Variants in SEC24B observed in about 807,000 individuals in gnomAD.
SEC24B encodes the protein protein transport protein Sec24B.
SEC24B carries 45 observed loss-of-function variants against 142.8 expected under a neutral mutation model. The observed-to-expected ratio is 0.32, with a 90% CI of 0.25 to 0.40. SEC24B has a LOEUF of 0.40. Among genes scored for constraint, SEC24B ranks in the 10% least tolerant of loss-of-function variants. The pLI is 1.00. For missense variants in SEC24B, 1,409 were observed against 1,526.8 expected (o/e 0.92, Z 1.29); for synonymous variants, 574 against 568.2 (o/e 1.01, Z -0.15).
chr4:109,444,472 A>AT (rs796951465), intron 1 of SEC24B, among the ~76,000 whole-genome samples: 55,616 of 128,108 alleles, frequency 0.43, 13,692 homozygotes, highest in South Asian at 0.54. Context: ...AGATCCTGTG[A>AT]TTTTTTTTTT....
chr4:109,512,469 C>T (rs911100876), intron 9 of SEC24B, among the ~76,000 whole-genome samples: 1 of 152,076 alleles, frequency 6.6e-6, no homozygotes, highest in African/African-American at 2.4e-5. Context: ...TCTCTTGTTC[C>T]CTTTATTCAT....
chr4:109,474,645 G>A (rs1029373711), intron 3 of SEC24B, among the ~76,000 whole-genome samples: 3 of 151,938 alleles, frequency 2.0e-5, no homozygotes, highest in Non-Finnish European at 2.9e-5. Flanking sequence ...ATCTGGCCTC[G>A]AACTTTTGAC....
chr4:109,530,185 CTTAGCTGAAT>C, intron 18 of SEC24B, 94 bp from the exon 19 acceptor site: 3 of 972,096 alleles, frequency 3.1e-6, no homozygotes, highest in Non-Finnish European at 4.4e-6. Context: ...ATCCTAAAAA[CTTAGCTGAAT>C]TTTGTTTCTT....
chr4:109,495,605 C>G (rs144050226), intron 6 of SEC24B, among the ~76,000 whole-genome samples: 4 of 152,092 alleles, frequency 2.6e-5, no homozygotes, highest in East Asian at 1.9e-4. Flanking sequence ...GCTCGCAGAT[C>G]GGTTCGATTA....
rs1731429518 is a variant in SEC24B at position 109,462,915 on chromosome 4, C to T, written c.148C>T (p.Gln50Ter). Reference sequence around the variant, plus strand: ...TGCTTTTTCAGGTCCAGCCCAGAATCAAATGCAGGTTCCATCTGGATATGG... The same window carrying T: ...TGCTTTTTCAGGTCCAGCCCAGAATTAAATGCAGGTTCCATCTGGATATGG... The part of the protein sequence containing the change: ...PHQQNGPAQN[Q>*]MQVPSGYGLH... The change falls in exon 2 of 24, where the codon CAA (glutamine) becomes TAA (stop). Residue 50 changes from glutamine (Q) to a stop codon, truncating the protein, a stop_gained. Coordinates refer to ENST00000265175, the MANE Select transcript of SEC24B (RefSeq NM_006323.5). LOFTEE classifies it high-confidence loss of function. 6.2e-7 allele frequency: 1 copy of T among 1,608,108 alleles called. No individual in the cohort carries two copies. The highest frequency in any genetic ancestry group is 8.5e-7 in the Non-Finnish European group (1 of 1,179,224).
intron 3 of SEC24B, among the ~76,000 whole-genome samples, chr4:109,475,641 T>C (rs1433244458): frequency 1.3e-5 from 2 of 152,180 alleles, no homozygotes; most frequent in Non-Finnish European, 2.9e-5. Context: ...TTTTAACATA[T>C]ATGCTGGCTG....
intron 1 of SEC24B, among the ~76,000 whole-genome samples, chr4:109,461,766 C>T (rs892618521): frequency 4.6e-5 from 7 of 152,100 alleles, no homozygotes; most frequent in African/African-American, 1.7e-4. Flanking sequence ...TGAATTTTTT[C>T]TACAGTGGGT....
At chr4:109,498,422 A>T (rs570262462) in intron 6 of SEC24B, among the ~76,000 whole-genome samples, 26 of 152,260 alleles carry the variant, frequency 1.7e-4, no homozygotes, top group African/African-American at 5.3e-4. Flanking sequence ...CATTGGCGCA[A>T]TCTCGGCTCG....
At chr4:109,496,620 G>A (rs1735569989) in intron 6 of SEC24B, among the ~76,000 whole-genome samples, 1 of 152,176 alleles carries the variant, frequency 6.6e-6, no homozygotes, top group South Asian at 2.1e-4. Flanking sequence ...TCTTGCCTGG[G>A]TGACATACCA....
At position 109,510,115 on chromosome 4, in the gene SEC24B, A is replaced by G. The variant is rs1407802223; in HGVS notation, c.1776+4A>G. The G allele has an allele frequency of 6.5e-7, 1 of 1,531,452 alleles. No individual in the cohort carries two copies. Among genetic ancestry groups the G allele is most frequent in the Non-Finnish European group, 9.0e-7 (1 of 1,116,708 alleles). 94.9% of individuals were successfully genotyped at this position (1,531,452 alleles called of 1,614,324 possible). A position where few individuals can be genotyped will look rare whatever the true frequency, so the allele number is the denominator to read the frequency against. On this transcript the variant is annotated splice_donor_region_variant and intron_variant, in intron 8 of 23. Coordinates refer to ENST00000265175, the MANE Select transcript of SEC24B (RefSeq NM_006323.5). Reference sequence around the variant, plus strand: ...ACATCCCTTCAGAGACCTAACGGTAAAGTAACATTTTATAATATTTATGGG... The same window carrying G: ...ACATCCCTTCAGAGACCTAACGGTAGAGTAACATTTTATAATATTTATGGG...
intron 21 of SEC24B, among the ~76,000 whole-genome samples, 186 bp downstream of exon 21, chr4:109,532,929 A>G (rs1376556319): frequency 6.6e-6 from 1 of 152,176 alleles, no homozygotes; most frequent in Admixed American, 6.5e-5. Context: ...TTCATTTTAT[A>G]TTGATGTTAT....
At position 109,506,511 on chromosome 4, in the gene SEC24B, G is replaced by C; in HGVS notation, c.1672G>C (p.Asp558His). Reference protein sequence around the residue: ...ADLKKLNCSPDSFRCTLTNIP... With the variant: ...ADLKKLNCSPHSFRCTLTNIP... ...CCTCAAAAAATTAAACTGTAGCCCA[G>C]AGTAGGTATTTATTTATTTTATAAT... is the stretch of plus-strand genomic sequence containing the variant. Residue 558 changes from aspartate (D) to histidine (H), a missense_variant and splice_region_variant, in exon 7 of 24, where the codon GAT becomes CAT. Asp to His is a moderately conservative substitution (Grantham distance 81). Coordinates refer to ENST00000265175, the MANE Select transcript of SEC24B (RefSeq NM_006323.5). 2 of 1,509,138 alleles carry C rather than the reference G, an allele frequency of 1.3e-6. No homozygotes were observed. The highest frequency in any genetic ancestry group is 1.8e-6 in the Non-Finnish European group (2 of 1,130,048). 93.5% of individuals were successfully genotyped at this position (1,509,138 alleles called of 1,614,324 possible). A position where few individuals can be genotyped will look rare whatever the true frequency, so the allele number is the denominator to read the frequency against.
At chr4:109,485,752 G>A (rs1446251495) in intron 4 of SEC24B, among the ~76,000 whole-genome samples, 1 of 152,170 alleles carries the variant, frequency 6.6e-6, no homozygotes, top group Non-Finnish European at 1.5e-5. Flanking sequence ...GCTGAAATTG[G>A]TGTGGGAATT....
At chr4:109,454,083 C>G (rs554080194) in intron 1 of SEC24B, among the ~76,000 whole-genome samples, 3 of 152,136 alleles carry the variant, frequency 2.0e-5, no homozygotes, top group Non-Finnish European at 4.4e-5. Flanking sequence ...GTCTCGAACT[C>G]CTGACCTCAG....
intron 22 of SEC24B, among the ~76,000 whole-genome samples, chr4:109,534,784 C>G (rs562093879): frequency 9.8e-4 from 150 of 152,298 alleles, no homozygotes; most frequent in Non-Finnish European, 1.3e-3. Flanking sequence ...AAAAAGTTCT[C>G]TTACCTCAGC....
chr4:109,527,253 G>T, intron 17 of SEC24B, 69 bp from the exon 18 acceptor site: 7 of 1,022,142 alleles, frequency 6.8e-6, no homozygotes, highest in Non-Finnish European at 7.4e-6. Flanking sequence ...AAGAAAAAAA[G>T]TATTTGACAT....
In SEC24B at chr4:109,473,125, A is replaced by T; in HGVS notation, c.999A>T (p.Ala333=). ...GSSSTRTPPT[A]NHPVEPVTSV... ...CATCAACAAGAACACCTCCCACTGCAAATCACCCAGTTGAGCCTGTGACCT... is the reference window on the plus strand; with the variant it reads ...CATCAACAAGAACACCTCCCACTGCTAATCACCCAGTTGAGCCTGTGACCT... The change falls in exon 3 of 24, where the codon GCA becomes GCT. Residue 333 remains alanine (A), a synonymous_variant. Transcript: ENST00000265175. The T allele has an allele frequency of 6.2e-7, 1 of 1,600,100 alleles. No homozygotes were observed. Among genetic ancestry groups the T allele is most frequent in the Middle Eastern group, 1.7e-4 (1 of 6,030 alleles).
chr4:109,444,748 T>C (rs1376159232), intron 1 of SEC24B, among the ~76,000 whole-genome samples: 1 of 151,566 alleles, frequency 6.6e-6, no homozygotes, highest in Non-Finnish European at 1.5e-5. Context: ...GCTGACCAGC[T>C]GAGCAGCTCC....
At chr4:109,456,081 A>G (rs1445748073) in intron 1 of SEC24B, among the ~76,000 whole-genome samples, 1 of 152,088 alleles carries the variant, frequency 6.6e-6, no homozygotes, top group Admixed American at 6.5e-5. Context: ...TTCTTTATAT[A>G]GGTTCTGAAC....
Sources: allele counts gnomAD v4.1 joint callset (sites outside exome capture counted in the v4.1 genomes callset), GRCh38; gene constraint gnomAD v4.1.1; transcripts MANE v1.5; gene names NCBI Gene and HGNC (gene_info 2026-07-23, HGNC 2026-07-21).